Variants in NXPE1 observed in about 807,000 individuals in gnomAD.
NXPE1 encodes NXPE family member 1.
A neutral mutation model predicts 33.3 loss-of-function variants in NXPE1; 31 were observed. The observed-to-expected ratio is 0.93, with a 90% confidence interval of 0.70 to 1.26. NXPE1 has a LOEUF of 1.26. Ranked by LOEUF, NXPE1 falls within the 50% of genes most tolerant of loss-of-function variation. The pLI, the probability that NXPE1 is intolerant of heterozygous loss-of-function variation, is 0.00. For missense variants in NXPE1, 661 were observed against 655.6 expected, an observed-to-expected ratio of 1.01 and a Z score of -0.09; for synonymous variants, 229 against 231.4, an observed-to-expected ratio of 0.99 and a Z score of 0.09.
At chr11:114,530,065 T>C (rs1242657926) in intron 6 of NXPE1, 110 bp downstream of exon 6, 15 of 1,165,636 alleles carry the variant, frequency 1.3e-5, no homozygotes, top group Non-Finnish European at 1.8e-5. Context: ...ATGTCTTACC[T>C]TGAGTACAGG....
rs79015825 is a variant in NXPE1, at chr11:114,553,891, G to A, written c.-210-1011C>T. On this transcript the variant is annotated intron_variant, in intron 1 of 8. Transcript: ENST00000534921. ...AGGCCATGATGGGTACATTTAGATC[G>A]TGGAAGTCATCAAAGGCTATAAACA... The A allele has an allele frequency of 6.4e-5, 62 of 975,290 alleles. No homozygotes were observed. The Middle Eastern group carries it at 1.6e-3, about 25-fold the overall frequency. The allele number at this position is 975,290 out of a possible 1,614,324, so 60.4% of individuals were successfully genotyped here. A position where few individuals can be genotyped will look rare whatever the true frequency, so the allele number is the denominator to read the frequency against.
At position 114,553,851 on chromosome 11, in the gene NXPE1, T is replaced by G. The variant is rs573824958; in HGVS notation, c.-210-971A>C. The G allele has an allele frequency of 1.0e-5, 10 of 954,934 alleles. No homozygotes were observed. The African/African-American group carries it at 1.8e-4, about 17-fold the overall frequency. 59.2% of individuals were successfully genotyped at this position (954,934 alleles called of 1,614,324 possible). On this transcript the variant is annotated intron_variant, in intron 1 of 8. Coordinates refer to ENST00000534921, the Ensembl canonical transcript of NXPE1. ...CAACTGCTCATTCAGTGACATCATCTTGGTAGCTTGAAATAGGCCATGATG... is the reference window on the plus strand; with the variant it reads ...CAACTGCTCATTCAGTGACATCATCGTGGTAGCTTGAAATAGGCCATGATG...
chr11:114,521,957 G>A (rs1229452513), exon 9 of NXPE1: 62 of 1,587,322 alleles, frequency 3.9e-5, no homozygotes, highest in Non-Finnish European at 4.8e-5. Flanking sequence ...ATTTTGTATA[G>A]TATTTATCCC....
At chr11:114,529,817 C>T (rs768137223) in intron 6 of NXPE1, 1 of 213,464 alleles carries the variant, frequency 4.7e-6, no homozygotes, top group Non-Finnish European at 9.4e-6. Flanking sequence ...CAGCACTGTG[C>T]GTGGGGGGAA....
At chr11:114,546,619 T>A (rs1157807871) in intron 5 of NXPE1, among the ~76,000 whole-genome samples, 2 of 151,962 alleles carry the variant, frequency 1.3e-5, no homozygotes, top group Non-Finnish European at 2.9e-5. Flanking sequence ...CTGAGCGCTG[T>A]CTTCTGAGAG....
chr11:114,553,617 G>T, intron 1 of NXPE1: 1 of 639,070 alleles, frequency 1.6e-6, no homozygotes, highest in Non-Finnish European at 1.9e-6. Context: ...TAAGCCATAA[G>T]TAACTGCAAA....
At chr11:114,555,818 T>A (rs907461715) in intron 1 of NXPE1, among the ~76,000 whole-genome samples, 3 of 152,238 alleles carry the variant, frequency 2.0e-5, no homozygotes, top group Non-Finnish European at 4.4e-5. Context: ...GACTTATGAT[T>A]ATGTTTTTGA....
chr11:114,535,368 A>G (rs1947771069), intron 5 of NXPE1, among the ~76,000 whole-genome samples: 2 of 152,228 alleles, frequency 1.3e-5, no homozygotes, highest in Admixed American at 1.3e-4. Flanking sequence ...AAGAAACTAC[A>G]TCAACTAACG....
rs1947248816 is a variant in NXPE1, at chr11:114,522,616, C to A, written c.1109-113G>T. 3 of 888,136 alleles carry A rather than the reference C, an allele frequency of 3.4e-6. No homozygotes were observed. The South Asian group carries it at 5.5e-5, about 16-fold the overall frequency. 55.0% of individuals were successfully genotyped at this position (888,136 alleles called of 1,614,324 possible). A position where few individuals can be genotyped will look rare whatever the true frequency, so the allele number is the denominator to read the frequency against. On this transcript the variant is annotated intron_variant, in intron 8 of 8. Coordinates refer to ENST00000534921, the Ensembl canonical transcript of NXPE1. ...CTACCTAGATAATTGCTCACTGGAG[C>A]CTTTCTACTCTCTAGGGTACAGTAC...
Position 114,530,562 on chromosome 11 carries a change from G to A in NXPE1, c.446C>T (p.Thr149Met), listed in dbSNP as rs115886410. 1.0e-3 allele frequency: 1,662 copies of A among 1,613,956 alleles called. 16 individuals are homozygous for A. In the African/African-American group the frequency reaches 0.018, roughly 18 times the overall value. The change falls in exon 6 of 9, where the codon ACG becomes ATG. Residue 149 changes from threonine to methionine, a missense_variant. By Grantham distance (81) the Thr-to-Met change is moderately conservative. Coordinates refer to ENST00000534921, the Ensembl canonical transcript of NXPE1. ...CATCACCTTTCCTGAAGCACCTGCC[G>A]TCAGTGCTGGGGAGGACATCCTGGC...
chr11:114,538,526 C>T (rs1166629584), intron 5 of NXPE1, among the ~76,000 whole-genome samples: 2 of 152,144 alleles, frequency 1.3e-5, no homozygotes, highest in African/African-American at 4.8e-5. Context: ...TTGCAACCTA[C>T]TCATCTGATA....
chr11:114,527,040 C>A (rs564307326), intron 7 of NXPE1: 1 of 152,204 alleles, frequency 6.6e-6, no homozygotes, highest in African/African-American at 2.4e-5. Flanking sequence ...GATTGAATGT[C>A]TTTCACATTG....
At chr11:114,558,401 A>C (rs1441040621) in intron 1 of NXPE1, among the ~76,000 whole-genome samples, 1 of 152,128 alleles carries the variant, frequency 6.6e-6, no homozygotes, top group East Asian at 1.9e-4. Flanking sequence ...TTGTTTTCAT[A>C]GTTAGTTTCA....
At position 114,551,965 on chromosome 11, in the gene NXPE1, G is replaced by A. The variant is rs1476120084; in HGVS notation, c.-70+9C>T. ...ACAAAATGTAAAGCCTTGCCTCTTT[G>A]TCCCTTACCAAATCCTCAGTGAAGT... On this transcript the variant is annotated intron_variant, in intron 3 of 8. Transcript: ENST00000534921. The A allele has an allele frequency of 6.6e-6, 1 of 152,172 alleles. No homozygotes were observed. Among genetic ancestry groups the A allele is most frequent in the Non-Finnish European group, 1.5e-5 (1 of 68,032 alleles). The allele number at this position is 152,172 out of a possible 1,614,324, so 9.4% of individuals were successfully genotyped here.
At chr11:114,524,191 A>T (rs1482798239) in intron 7 of NXPE1, among the ~76,000 whole-genome samples, 1 of 152,220 alleles carries the variant, frequency 6.6e-6, no homozygotes, top group African/African-American at 2.4e-5. Flanking sequence ...ATGACCTAGA[A>T]GTTTCCCACT....
At chr11:114,541,654 G>C (rs1356025873) in intron 5 of NXPE1, among the ~76,000 whole-genome samples, 2 of 152,114 alleles carry the variant, frequency 1.3e-5, no homozygotes, top group Admixed American at 1.3e-4. Flanking sequence ...CAGAAAGGCA[G>C]GACAATTTGA....
At chr11:114,519,481 A>G (rs1947158624), downstream of NXPE1, among the ~76,000 whole-genome samples, 1 of 152,240 alleles carries the variant, frequency 6.6e-6, no homozygotes, top group South Asian at 2.1e-4. Flanking sequence ...GCTATTAGAG[A>G]TAACAGATAC....
chr11:114,534,215 GC>G (rs1947704229), intron 5 of NXPE1, among the ~76,000 whole-genome samples: 1 of 152,218 alleles, frequency 6.6e-6, no homozygotes, highest in African/African-American at 2.4e-5. Flanking sequence ...CAGACCTGCA[GC>G]TGAGGGTTCT....
intron 5 of NXPE1, among the ~76,000 whole-genome samples, chr11:114,535,545 A>G (rs507976): frequency 0.6 from 90,975 of 151,972 alleles, 29,036 homozygotes; most frequent in African/African-American, 0.84. Flanking sequence ...CCCATCTCAC[A>G]TGCAGAGACA....
Sources: gnomAD v4.1 joint callset for allele counts (sites outside exome capture counted in the v4.1 genomes callset) on GRCh38, gnomAD v4.1.1 for gene constraint, MANE v1.5 for transcripts, NCBI Gene and HGNC (gene_info 2026-07-23, HGNC 2026-07-21) for gene names.